The following FOXP2 variants were observed in gnomAD, a reference collection of about 807,000 sequenced individuals.
FOXP2 encodes forkhead box P2, also known as forkhead box protein P2.
A neutral mutation model predicts 115.8 loss-of-function variants in FOXP2; 12 were observed. The ratio of observed to expected loss-of-function variants is 0.10; its 90% CI spans 0.07 to 0.17. The LOEUF (loss-of-function observed/expected upper bound fraction) is 0.17, where lower values mean the gene tolerates loss of function less well. FOXP2 is among the 10% of genes least tolerant of loss of function. The probability of loss-of-function intolerance (pLI) is 1.00; values close to 1 mark genes in which losing one functional copy is unlikely to be tolerated. For synonymous variants in FOXP2, 328 were observed against 297.7 expected (o/e 1.10, Z -1.05); for missense variants, 629 against 843.5 (o/e 0.75, Z 3.15).
intron 1 of FOXP2, among the ~76,000 whole-genome samples, chr7:114,097,185 C>A (rs1799671341): frequency 6.6e-6 from 1 of 152,032 alleles, no homozygotes; most frequent in African/African-American, 2.4e-5. Context: ...GTGTACAGTT[C>A]TTTATTTTTT....
intron 3 of FOXP2, among the ~76,000 whole-genome samples, chr7:114,594,117 T>C (rs1003593771): frequency 6.6e-6 from 1 of 152,054 alleles, no homozygotes; most frequent in African/African-American, 2.4e-5. Context: ...CATATCAAAA[T>C]GTGGCCTGTT....
chr7:114,642,420 T>G lies in FOXP2; in HGVS notation c.786T>G (p.Ser262Arg). 1 of 1,613,310 alleles carries G rather than the reference T, an allele frequency of 6.2e-7. No individual in the cohort carries two copies. The highest frequency in any genetic ancestry group is 1.3e-5 in the African/African-American group (1 of 74,984). The part of the protein sequence containing the change: ...PVQSLPQAGL[S>R]PAEIQQLWKE... ...TCTTTCATTTTATAGCTGGCTTAAG[T>G]CCTGCTGAGATTCAGCAGTTATGGA... is the stretch of plus-strand genomic sequence containing the variant. Residue 262 changes from serine to arginine, a missense_variant, in exon 7 of 17, where the codon AGT (serine) becomes AGG (arginine). Transcript: ENST00000350908.
At chr7:114,619,057 G>C (rs1804097519) in intron 3 of FOXP2, among the ~76,000 whole-genome samples, 1 of 152,128 alleles carries the variant, frequency 6.6e-6, no homozygotes, top group Non-Finnish European at 1.5e-5. Flanking sequence ...AAGTGACAAA[G>C]CAAGCAAGAC....
intron 1 of FOXP2, among the ~76,000 whole-genome samples, chr7:114,137,565 A>G (rs1016732696): frequency 3.3e-5 from 5 of 152,090 alleles, no homozygotes; most frequent in Non-Finnish European, 7.4e-5. Flanking sequence ...GTTCAATTTA[A>G]TTCTATTTAA....
intron 10 of FOXP2, chr7:114,656,482 C>T (rs996033791): frequency 1.5e-5 from 7 of 451,846 alleles, no homozygotes; most frequent in South Asian, 4.7e-5. Context: ...GATGTTTCTG[C>T]GTTTCTCAAA....
chr7:114,631,573 C>A lies in FOXP2; in HGVS notation c.643C>A (p.Leu215Ile), dbSNP rs1804925235. ...GCAACAGCAATTGGCAGCCCAGCAG[C>A]TTGTCTTCCAGCAGCAGCTTCTCCA... Reference protein sequence around the residue: ...QQQQQLAAQQLVFQQQLLQMQ... With the variant: ...QQQQQLAAQQIVFQQQLLQMQ... The change falls in exon 6 of 17, where the codon CTT becomes ATT. Residue 215 changes from leucine (L) to isoleucine (I), a missense_variant. Coordinates refer to ENST00000350908, the MANE Select transcript of FOXP2 (RefSeq NM_014491.4). 1 of 1,601,940 alleles carries A rather than the reference C, an allele frequency of 6.2e-7. No individual in the cohort carries two copies. The highest frequency in any genetic ancestry group is 1.7e-5 in the Admixed American group (1 of 58,132).
At chr7:114,475,028 T>C (rs923992929) in intron 2 of FOXP2, among the ~76,000 whole-genome samples, 2 of 152,092 alleles carry the variant, frequency 1.3e-5, no homozygotes, top group Non-Finnish European at 2.9e-5. Context: ...CAACATAGTC[T>C]GTATGAGTCT....
intron 2 of FOXP2, among the ~76,000 whole-genome samples, chr7:114,491,534 G>A (rs36198537): frequency 4.6e-5 from 7 of 151,464 alleles, no homozygotes; most frequent in Admixed American, 2.6e-4. Flanking sequence ...GTCAATTTTG[G>A]CTTTTGTTGC....
At chr7:114,440,846 A>T (rs1562928347) in intron 2 of FOXP2, among the ~76,000 whole-genome samples, 1 of 152,168 alleles carries the variant, frequency 6.6e-6, no homozygotes, top group Non-Finnish European at 1.5e-5. Flanking sequence ...AATTTATCAA[A>T]ATTACCTGTT....
chr7:114,690,038 TA>T lies in FOXP2; in HGVS notation c.*115del. On this transcript the variant is annotated 3_prime_UTR_variant, in exon 17 of 17. Coordinates refer to ENST00000350908, the MANE Select transcript of FOXP2 (RefSeq NM_014491.4). ...ACTGTGACTATTTATTAAGCATGGA[TA>T]AAGGAGACAGCCCTAAAGGAACTTA... 1 of 1,336,766 alleles carries T rather than the reference TA, an allele frequency of 7.5e-7. No individual in the cohort carries two copies. The highest frequency in any genetic ancestry group is 1.1e-6 in the Non-Finnish European group (1 of 944,830). 82.8% of individuals were successfully genotyped at this position (1,336,766 alleles called of 1,614,324 possible).
At chr7:114,257,702 T>A (rs1420082554) in intron 1 of FOXP2, among the ~76,000 whole-genome samples, 1 of 152,036 alleles carries the variant, frequency 6.6e-6, no homozygotes, top group Non-Finnish European at 1.5e-5. Flanking sequence ...ATCCACCAGC[T>A]TCGGCCTCCC....
chr7:114,452,474 G>T (rs979832518), intron 2 of FOXP2, among the ~76,000 whole-genome samples: 2 of 152,150 alleles, frequency 1.3e-5, no homozygotes, highest in Admixed American at 6.5e-5. Context: ...TTCAAAAAAT[G>T]CATGAGTACA....
In FOXP2 at chr7:114,337,698, TA is replaced by T. The variant is rs748741051; in HGVS notation, c.-11+49594del. ...TTATTGTAAATATTAATTGCTGTGC[TA>T]AAAATGTAAGCAAGCCGATTTTGTA... On this transcript the variant is annotated intron_variant, in intron 2 of 17. Coordinates refer to the FOXP2 transcript ENST00000634411. 8.6e-5 allele frequency among the ~76,000 whole-genome samples: 13 copies of T among 151,328 alleles called. No homozygotes were observed. In the East Asian group the frequency reaches 2.3e-3, roughly 27 times the overall value.
At chr7:114,350,602 A>G (rs1791462193) in intron 2 of FOXP2, among the ~76,000 whole-genome samples, 1 of 152,096 alleles carries the variant, frequency 6.6e-6, no homozygotes, top group Non-Finnish European at 1.5e-5. Flanking sequence ...CTGTTTCAGG[A>G]GTCCTTCAAT....
At chr7:114,197,647 A>G (rs1272676558) in intron 1 of FOXP2, among the ~76,000 whole-genome samples, 1 of 152,148 alleles carries the variant, frequency 6.6e-6, no homozygotes, top group Non-Finnish European at 1.5e-5. Context: ...TTTCTATATA[A>G]AACAAGATGT....
chr7:114,686,403 CCT>C (rs1262306303), intron 16 of FOXP2, among the ~76,000 whole-genome samples: 1 of 152,176 alleles, frequency 6.6e-6, no homozygotes, highest in Non-Finnish European at 1.5e-5. Context: ...GAACCCCTGA[CCT>C]CAAGTGATCC....
chr7:114,368,877 C>T (rs1427223706), intron 2 of FOXP2, among the ~76,000 whole-genome samples: 1 of 152,180 alleles, frequency 6.6e-6, no homozygotes, highest in Non-Finnish European at 1.5e-5. Flanking sequence ...TGTTACAAAC[C>T]ATCCAAAAAC....
chr7:114,211,994 A>T (rs1257206561), intron 1 of FOXP2, among the ~76,000 whole-genome samples: 1 of 151,728 alleles, frequency 6.6e-6, no homozygotes, highest in Non-Finnish European at 1.5e-5. Context: ...AATCACTTGA[A>T]CCCAGGAGGC....
chr7:114,145,088 T>G (rs2129147751), intron 1 of FOXP2, among the ~76,000 whole-genome samples: 1 of 152,260 alleles, frequency 6.6e-6, no homozygotes, highest in Admixed American at 6.5e-5. Flanking sequence ...GGAGTTTCGA[T>G]ACTGAGTACC....
Sources: allele counts gnomAD v4.1 joint callset (sites outside exome capture counted in the v4.1 genomes callset), GRCh38; gene constraint gnomAD v4.1.1; transcripts MANE v1.5; gene names NCBI Gene and HGNC (gene_info 2026-07-23, HGNC 2026-07-21).